CFAP96: variants seen among roughly 807,000 people sequenced by gnomAD.
The protein encoded by CFAP96 is cilia-and flagella-associated protein 96.
chr4:185,431,946 G>T, the CFAP96 span: 1 of 1,462,630 alleles, frequency 6.8e-7, no homozygotes. Context: ...TTGCTAGTCA[G>T]CTCAAAATTA....
chr4:185,432,120 A>G, the CFAP96 span: 2 of 1,551,860 alleles, frequency 1.3e-6, no homozygotes, highest in Non-Finnish European at 1.7e-6. Flanking sequence ...AATCTGAATC[A>G]AGTGAGGAGA....
chr4:185,447,531 G>A, the CFAP96 span, among the ~76,000 whole-genome samples: 1 of 152,142 alleles, frequency 6.6e-6, no homozygotes, highest in African/African-American at 2.4e-5. Context: ...AATGGCAAGT[G>A]CATAAAGCGT....
chr4:185,420,506 T>A, the CFAP96 span, among the ~76,000 whole-genome samples: 1 of 152,164 alleles, frequency 6.6e-6, no homozygotes, highest in Non-Finnish European at 1.5e-5. Context: ...ATTTAAAAAA[T>A]AAATAAATAA....
At chr4:185,427,777 ATAAATT>A in the CFAP96 span, among the ~76,000 whole-genome samples, 1 of 143,950 alleles carries the variant, frequency 6.9e-6, no homozygotes, top group Non-Finnish European at 1.5e-5. Context: ...AAAGAAATAA[ATAAATT>A]TAAGGTAAAA....
chr4:185,429,405 C>A, the CFAP96 span: 1 of 1,515,544 alleles, frequency 6.6e-7, no homozygotes, highest in African/African-American at 1.4e-5. Flanking sequence ...CACCACCAGA[C>A]GCCACCATGC....
chr4:185,414,284 A>G, the CFAP96 span, among the ~76,000 whole-genome samples: 1 of 152,214 alleles, frequency 6.6e-6, no homozygotes, highest in East Asian at 1.9e-4. Flanking sequence ...GTGCCTTACA[A>G]ATATTTTATA....
chr4:185,429,660 A>G, the CFAP96 span: 1 of 573,188 alleles, frequency 1.7e-6, no homozygotes, highest in Non-Finnish European at 3.0e-6. Flanking sequence ...ATTTCAATGA[A>G]GTTAAGCGAT....
chr4:185,412,007 T>C, the CFAP96 span, among the ~76,000 whole-genome samples: 9 of 152,180 alleles, frequency 5.9e-5, no homozygotes, highest in Non-Finnish European at 1.3e-4. Context: ...CCCATAATAG[T>C]TCCTCCTGGA....
chr4:185,447,271 T>C, the CFAP96 span, among the ~76,000 whole-genome samples: 1 of 152,086 alleles, frequency 6.6e-6, no homozygotes, highest in Admixed American at 6.6e-5. Flanking sequence ...AAGCTCCACC[T>C]GCCGGGTTCA....
the CFAP96 span, chr4:185,413,717 T>TA: frequency 1.5e-5 from 24 of 1,599,906 alleles, no homozygotes; most frequent in African/African-American, 2.4e-4. Context: ...AATAATTAGT[T>TA]AAACTCACCA....
the CFAP96 span, among the ~76,000 whole-genome samples, chr4:185,416,478 A>G: frequency 6.6e-6 from 1 of 152,238 alleles, no homozygotes; most frequent in African/African-American, 2.4e-5. Context: ...AATTTACACT[A>G]AACTTATTTC....
the CFAP96 span, among the ~76,000 whole-genome samples, chr4:185,425,619 C>T: frequency 6.6e-6 from 1 of 152,252 alleles, no homozygotes; most frequent in Admixed American, 6.5e-5. Context: ...AATACTTTCA[C>T]ACAGAGAAGT....
At chr4:185,418,354 G>A in the CFAP96 span, 2 of 1,013,460 alleles carry the variant, frequency 2.0e-6, no homozygotes, top group Non-Finnish European at 2.9e-6. Context: ...TATGATAAGA[G>A]GGTTAAATTA....
At chr4:185,429,414 G>A in the CFAP96 span, 2 of 1,530,330 alleles carry the variant, frequency 1.3e-6, no homozygotes, top group African/African-American at 2.8e-5. Context: ...ACGCCACCAT[G>A]CCTGCGGAAG....
the CFAP96 span, among the ~76,000 whole-genome samples, chr4:185,426,945 T>G: frequency 1.4e-5 from 2 of 144,136 alleles, no homozygotes; most frequent in African/African-American, 5.2e-5. Flanking sequence ...GTGCTTGTAG[T>G]CCCAGCTACT....
At chr4:185,431,867 A>G in the CFAP96 span, 1 of 812,376 alleles carries the variant, frequency 1.2e-6, no homozygotes, top group African/African-American at 1.7e-5. Flanking sequence ...ACAGTGCTTT[A>G]GAGCTCAAAA....
chr4:185,439,323 A>G, the CFAP96 span, among the ~76,000 whole-genome samples: 1 of 152,346 alleles, frequency 6.6e-6, no homozygotes, highest in East Asian at 1.9e-4. Context: ...AGAGCAGATC[A>G]CCAAGAATGA....
At chr4:185,427,621 G>A in the CFAP96 span, among the ~76,000 whole-genome samples, 20 of 151,666 alleles carry the variant, frequency 1.3e-4, no homozygotes, top group African/African-American at 4.4e-4. Flanking sequence ...TCAGCCGGGC[G>A]TGGTGGCAGG....
chr4:185,415,313 G>A, the CFAP96 span: 1 of 1,596,040 alleles, frequency 6.3e-7, no homozygotes, highest in Non-Finnish European at 8.5e-7. Flanking sequence ...TCAGTTAGTT[G>A]ATTATGAATT....
Sources: allele counts gnomAD v4.1 joint callset (sites outside exome capture counted in the v4.1 genomes callset), GRCh38; gene constraint gnomAD v4.1.1; transcripts MANE v1.5; gene names NCBI Gene and HGNC (gene_info 2026-07-23, HGNC 2026-07-21).